C12orf42: variants seen among roughly 807,000 people sequenced by gnomAD.
The protein encoded by C12orf42 is chromosome 12 open reading frame 42.
Under a neutral mutation model 21.6 loss-of-function variants are expected in C12orf42, and 25 were observed. The ratio of observed to expected loss-of-function variants is 1.16; its 90% CI spans 0.84 to 1.62. The LOEUF (loss-of-function observed/expected upper bound fraction) is 1.62, where lower values mean the gene tolerates loss of function less well. C12orf42 is among the 40% of genes most tolerant of loss of function. The pLI is 0.00. For synonymous variants in C12orf42, 174 were observed against 175.0 expected, an observed-to-expected ratio of 0.99 and a Z score of 0.05; for missense variants, 483 against 459.3, an observed-to-expected ratio of 1.05 and a Z score of -0.47.
intron 2 of C12orf42, among the ~76,000 whole-genome samples, chr12:103,408,873 G>A (rs2048617240): frequency 6.6e-6 from 1 of 152,150 alleles, no homozygotes; most frequent in South Asian, 2.1e-4. Flanking sequence ...AAAAAATCCA[G>A]GAGATGAACA....
intron 4 of C12orf42, among the ~76,000 whole-genome samples, chr12:103,331,622 T>C (rs1269229813): frequency 6.6e-6 from 1 of 152,200 alleles, no homozygotes; most frequent in Non-Finnish European, 1.5e-5. Context: ...CCCAGTTTAC[T>C]CATGTAGAGG....
At chr12:103,342,139 A>G (rs1473966137) in intron 4 of C12orf42, among the ~76,000 whole-genome samples, 1 of 152,154 alleles carries the variant, frequency 6.6e-6, no homozygotes, top group Non-Finnish European at 1.5e-5. Context: ...CAGACCCTCT[A>G]TGTAGTGGGG....
intron 10 of C12orf42, among the ~76,000 whole-genome samples, chr12:103,248,821 G>A (rs1166241340): frequency 1.3e-5 from 2 of 151,986 alleles, no homozygotes; most frequent in African/African-American, 4.8e-5. Context: ...ATGTAATTAT[G>A]TATGTGAAAG....
chr12:103,450,149 TA>T (rs1951848438), intron 2 of C12orf42, among the ~76,000 whole-genome samples: 5 of 152,088 alleles, frequency 3.3e-5, no homozygotes, highest in Admixed American at 6.6e-5. Flanking sequence ...CTTAATCTAT[TA>T]GTGTGGTAAA....
At chr12:103,209,466 C>T in the C12orf42 span, among the ~76,000 whole-genome samples, 1 of 152,200 alleles carries the variant, frequency 6.6e-6, no homozygotes, top group African/African-American at 2.4e-5. Flanking sequence ...GTTTCCTTCT[C>T]TGATTGCTCT....
chr12:103,428,774 T>C (rs1435753227), intron 2 of C12orf42, among the ~76,000 whole-genome samples: 1 of 152,146 alleles, frequency 6.6e-6, no homozygotes, highest in Non-Finnish European at 1.5e-5. Flanking sequence ...TCCACCGTGA[T>C]CAAGTCAGCT....
chr12:103,471,795 A>G (rs1565882156), intron 2 of C12orf42, among the ~76,000 whole-genome samples: 1 of 152,250 alleles, frequency 6.6e-6, no homozygotes, highest in Non-Finnish European at 1.5e-5. Context: ...ACATCTTGAC[A>G]TGTATATAGC....
chr12:103,210,639 C>CTTTTTT, the C12orf42 span, among the ~76,000 whole-genome samples: 3,419 of 76,376 alleles, frequency 0.045, 146 homozygotes, highest in East Asian at 0.12. Context: ...CCCTCTATTT[C>CTTTTTT]TTTTTTTTTT....
the C12orf42 span, among the ~76,000 whole-genome samples, chr12:103,539,441 C>T: frequency 4.6e-5 from 7 of 152,102 alleles, no homozygotes; most frequent in Non-Finnish European, 5.9e-5. Flanking sequence ...CTACATCTAC[C>T]TGTGTGTTTC....
intron 2 of C12orf42, chr12:103,441,604 C>G (rs1951250377): frequency 6.6e-6 from 1 of 152,130 alleles, no homozygotes; most frequent in South Asian, 2.1e-4. Context: ...CTGAAGCCCA[C>G]AAAGGGAGAG....
At chr12:103,286,004 G>T (rs1055877813) in intron 4 of C12orf42, among the ~76,000 whole-genome samples, 25 of 151,966 alleles carry the variant, frequency 1.6e-4, no homozygotes, top group African/African-American at 5.6e-4. Flanking sequence ...CCAGCACTTT[G>T]GGGGGGTGCC....
At chr12:103,515,719 T>C in the C12orf42 span, among the ~76,000 whole-genome samples, 5 of 152,206 alleles carry the variant, frequency 3.3e-5, no homozygotes, top group Non-Finnish European at 7.3e-5. Context: ...CTGAGTTGTA[T>C]GTGCAAGACT....
At chr12:103,427,295 G>GA (rs71097975) in intron 2 of C12orf42, among the ~76,000 whole-genome samples, 79 of 120,614 alleles carry the variant, frequency 6.5e-4, no homozygotes, top group African/African-American at 1.7e-3. Flanking sequence ...AAAAAAAAAA[G>GA]AAAAAAAAAA....
At chr12:103,291,795 C>G (rs2036845232) in intron 4 of C12orf42, among the ~76,000 whole-genome samples, 1 of 152,122 alleles carries the variant, frequency 6.6e-6, no homozygotes, top group African/African-American at 2.4e-5. Flanking sequence ...AGGTTACCAT[C>G]TTGGTTTTAG....
At chr12:103,073,770 T>C in the C12orf42 span, among the ~76,000 whole-genome samples, 1 of 152,188 alleles carries the variant, frequency 6.6e-6, no homozygotes, top group Non-Finnish European at 1.5e-5. Context: ...CTGACCAACC[T>C]GACTACATGG....
the C12orf42 span, among the ~76,000 whole-genome samples, chr12:103,548,135 T>C: frequency 6.6e-6 from 1 of 152,170 alleles, no homozygotes; most frequent in South Asian, 2.1e-4. Context: ...TCACACCAGG[T>C]AAGTGAGGAA....
intron 2 of C12orf42, among the ~76,000 whole-genome samples, chr12:103,418,869 G>A (rs549535633): frequency 2.0e-5 from 3 of 147,350 alleles, no homozygotes; most frequent in East Asian, 2.0e-4. Context: ...TACACAGTTC[G>A]CTTATCTTAT....
chr12:103,194,913 C>T, the C12orf42 span, among the ~76,000 whole-genome samples: 3 of 152,074 alleles, frequency 2.0e-5, no homozygotes, highest in Non-Finnish European at 2.9e-5. Context: ...AAACATAGCA[C>T]CTGATAGGTA....
the C12orf42 span, chr12:103,081,203 A>G: frequency 6.6e-6 from 1 of 152,238 alleles, no homozygotes; most frequent in African/African-American, 2.4e-5. Flanking sequence ...TATTTAGCGA[A>G]CATTATATCT....
Sources: gnomAD v4.1 joint callset for allele counts (sites outside exome capture counted in the v4.1 genomes callset) on GRCh38, gnomAD v4.1.1 for gene constraint, MANE v1.5 for transcripts, NCBI Gene and HGNC (gene_info 2026-07-23, HGNC 2026-07-21) for gene names.